The following ZNF385D variants were observed in gnomAD, a reference collection of about 807,000 sequenced individuals.
ZNF385D encodes zinc finger protein 385D.
Under a neutral mutation model 35.8 loss-of-function variants are expected in ZNF385D, and 15 were observed. The ratio of observed to expected loss-of-function variants is 0.42; its 90% confidence interval spans 0.28 to 0.64. The LOEUF (loss-of-function observed/expected upper bound fraction) is 0.64, where lower values mean the gene tolerates loss of function less well. Ranked by LOEUF, ZNF385D falls within the 30% of genes least tolerant of loss-of-function variation. The pLI is 0.23. For missense variants in ZNF385D, 474 were observed against 494.6 expected (o/e 0.96, Z 0.39); for synonymous variants, 212 against 186.8 (o/e 1.13, Z -1.10).
At chr3:21,740,275 A>G (rs2069448793) in intron 1 of ZNF385D, among the ~76,000 whole-genome samples, 1 of 152,170 alleles carries the variant, frequency 6.6e-6, no homozygotes, top group African/African-American at 2.4e-5. Flanking sequence ...TGGCCTCTAC[A>G]GCATAACTAC....
At chr3:21,975,739 A>ATATATATATATATG (rs1559808715) in intron 3 of ZNF385D, among the ~76,000 whole-genome samples, 69 of 48,358 alleles carry the variant, frequency 1.4e-3, no homozygotes, top group Non-Finnish European at 2.1e-3. Context: ...ATATATATAT[A>ATATATATATATATG]TATATATATA....
intron 3 of ZNF385D, among the ~76,000 whole-genome samples, chr3:22,065,442 T>C (rs563969617): frequency 6.6e-6 from 1 of 152,112 alleles, no homozygotes; most frequent in East Asian, 1.9e-4. Context: ...CAGCTGGAAC[T>C]CTCTACAATG....
At chr3:22,342,164 C>CTACTCG (rs571552450) in intron 2 of ZNF385D, among the ~76,000 whole-genome samples, 80 of 150,636 alleles carry the variant, frequency 5.3e-4, no homozygotes, top group African/African-American at 1.9e-3. Context: ...GTAGACCCAG[C>CTACTCG]TACTCGGGAG....
intron 7 of ZNF385D, among the ~76,000 whole-genome samples, chr3:21,421,847 G>A (rs543576965): frequency 1.2e-4 from 19 of 152,188 alleles, no homozygotes; most frequent in Middle Eastern, 3.4e-3. Context: ...AATGCCATTC[G>A]ACTAGCCAAG....
intron 3 of ZNF385D, among the ~76,000 whole-genome samples, chr3:22,112,833 T>A (rs1010873311): frequency 1.3e-5 from 2 of 148,738 alleles, no homozygotes; most frequent in African/African-American, 4.9e-5. Flanking sequence ...CTGTCACCCT[T>A]CCTATGGGGG....
At position 21,763,966 on chromosome 3, in the gene ZNF385D, C is replaced by T. The variant is rs533510457; in HGVS notation, c.326-98938G>A. ...GTAACTAAGACAGATTTTTGGCCTC[C>T]TGGAGCTTACAGTTTCCCAAAGAAT... On this transcript the variant is annotated intron_variant, in intron 3 of 5. Coordinates refer to the ZNF385D transcript ENST00000494108. Among the ~76,000 whole-genome samples the T allele has an allele frequency of 8.2e-4, 125 of 152,214 alleles. 1 individual carries two copies. Among genetic ancestry groups the T allele is most frequent in the Non-Finnish European group, 3.2e-4 (22 of 68,010 alleles).
intron 2 of ZNF385D, among the ~76,000 whole-genome samples, chr3:22,243,722 G>C (rs1315503344): frequency 6.6e-6 from 1 of 150,898 alleles, no homozygotes; most frequent in Non-Finnish European, 1.5e-5. Flanking sequence ...AGGAGGGTAG[G>C]CAGCTCTCAG....
At chr3:22,078,174 T>G (rs1455721051) in intron 3 of ZNF385D, among the ~76,000 whole-genome samples, 2 of 151,922 alleles carry the variant, frequency 1.3e-5, no homozygotes, top group East Asian at 1.9e-4. Flanking sequence ...TATGCAATGT[T>G]CAAAATGTTT....
intron 3 of ZNF385D, among the ~76,000 whole-genome samples, chr3:21,835,645 G>C (rs559288085): frequency 6.6e-6 from 1 of 152,058 alleles, no homozygotes; most frequent in Non-Finnish European, 1.5e-5. Flanking sequence ...TAGCCTAAAA[G>C]AGGGAAGATT....
chr3:21,818,663 C>A (rs1001634472), intron 3 of ZNF385D, among the ~76,000 whole-genome samples: 2 of 151,918 alleles, frequency 1.3e-5, no homozygotes, highest in Non-Finnish European at 2.9e-5. Flanking sequence ...GCCTCACACT[C>A]CATGGGCATA....
At chr3:21,706,476 A>G (rs1008241742) in intron 1 of ZNF385D, among the ~76,000 whole-genome samples, 1 of 152,178 alleles carries the variant, frequency 6.6e-6, no homozygotes, top group Non-Finnish European at 1.5e-5. Flanking sequence ...GCATACTTAC[A>G]ATTTGAGGAG....
chr3:22,334,147 T>C lies in ZNF385D; in HGVS notation c.106+38303A>G, dbSNP rs539905554. ...CTTTATTTACTGTAGTTCTCTTAGATTTACTGTTATCCACTGATATATTTA... is the reference window on the plus strand; with the variant it reads ...CTTTATTTACTGTAGTTCTCTTAGACTTACTGTTATCCACTGATATATTTA... On this transcript the variant is annotated intron_variant, in intron 2 of 5. Coordinates refer to the ZNF385D transcript ENST00000494108. Among the ~76,000 whole-genome samples, 381 of 152,292 alleles carry C rather than the reference T, an allele frequency of 2.5e-3. 1 individual carries two copies. The highest frequency in any genetic ancestry group is 4.4e-3 in the Non-Finnish European group (301 of 68,012).
At chr3:21,793,642 A>AT (rs1216395926) in intron 3 of ZNF385D, among the ~76,000 whole-genome samples, 1 of 152,242 alleles carries the variant, frequency 6.6e-6, no homozygotes, top group Non-Finnish European at 1.5e-5. Flanking sequence ...ACATGCTGAG[A>AT]TTTTGTACAA....
intron 3 of ZNF385D, among the ~76,000 whole-genome samples, chr3:21,884,268 C>T (rs1245102036): frequency 6.6e-6 from 1 of 152,034 alleles, no homozygotes; most frequent in Non-Finnish European, 1.5e-5. Context: ...AATTATCAGG[C>T]ACTTAGCACA....
At chr3:22,226,763 T>G (rs1373527998) in intron 2 of ZNF385D, among the ~76,000 whole-genome samples, 1 of 152,216 alleles carries the variant, frequency 6.6e-6, no homozygotes, top group Non-Finnish European at 1.5e-5. Flanking sequence ...TTTCACCCTC[T>G]TCACTTGTCT....
intron 2 of ZNF385D, among the ~76,000 whole-genome samples, chr3:22,338,844 G>A (rs1695293254): frequency 6.6e-6 from 1 of 151,682 alleles, no homozygotes; most frequent in African/African-American, 2.4e-5. Context: ...GGGATTACAG[G>A]CACGTGCCAC....
intron 3 of ZNF385D, among the ~76,000 whole-genome samples, chr3:21,851,154 A>C (rs930319846): frequency 5.3e-5 from 8 of 152,002 alleles, no homozygotes; most frequent in Non-Finnish European, 1.0e-4. Flanking sequence ...TTAAAAAAGA[A>C]CCAAATAAAA....
At chr3:21,966,819 T>A (rs546466728) in intron 3 of ZNF385D, among the ~76,000 whole-genome samples, 1 of 152,218 alleles carries the variant, frequency 6.6e-6, no homozygotes, top group South Asian at 2.1e-4. Flanking sequence ...TGGCCTCAAG[T>A]GATCTGCCAA....
chr3:21,612,244 C>T (rs1383407991), intron 2 of ZNF385D, among the ~76,000 whole-genome samples: 1 of 152,064 alleles, frequency 6.6e-6, no homozygotes, highest in Non-Finnish European at 1.5e-5. Context: ...ACCACCATGC[C>T]CCGCTAATTT....
Sources: gnomAD v4.1 joint callset for allele counts (sites outside exome capture counted in the v4.1 genomes callset) on GRCh38, gnomAD v4.1.1 for gene constraint, MANE v1.5 for transcripts, NCBI Gene and HGNC (gene_info 2026-07-23, HGNC 2026-07-21) for gene names.